Variants in MYO1E observed in about 807,000 individuals in gnomAD.
The protein encoded by MYO1E is unconventional myosin-Ie.
In MYO1E, 68 loss-of-function variants were observed where a neutral mutation model predicts 151.1. The observed-to-expected ratio is 0.45, with a 90% CI of 0.37 to 0.55. The LOEUF (loss-of-function observed/expected upper bound fraction) is 0.55. Ranked by LOEUF, MYO1E falls within the 20% of genes least tolerant of loss-of-function variation. The probability of loss-of-function intolerance (pLI) is 0.00; values close to 1 mark genes in which losing one functional copy is unlikely to be tolerated. For synonymous variants in MYO1E, 601 were observed against 501.7 expected (o/e 1.20, Z -2.64); for missense variants, 1,363 against 1,389.3 (o/e 0.98, Z 0.30).
intron 2 of MYO1E, among the ~76,000 whole-genome samples, chr15:59,262,451 T>TA (rs747798400): frequency 6.6e-6 from 1 of 151,608 alleles, no homozygotes; most frequent in Non-Finnish European, 1.5e-5. Context: ...ACTCCATCTC[T>TA]AAAAAAACAA....
intron 12 of MYO1E, among the ~76,000 whole-genome samples, chr15:59,213,708 G>C (rs1019744469): frequency 6.6e-6 from 1 of 151,758 alleles, no homozygotes; most frequent in African/African-American, 2.4e-5. Context: ...CAATTCTCCC[G>C]ACTCGGCCTC....
At chr15:59,148,028 GAAT>G in intron 26 of MYO1E, among the ~76,000 whole-genome samples, 1 of 152,152 alleles carries the variant, frequency 6.6e-6, no homozygotes, top group East Asian at 1.9e-4. Flanking sequence ...ACCAGCCAAT[GAAT>G]AATGGTAATG....
chr15:59,327,543 G>T (rs1388175058), intron 1 of MYO1E, among the ~76,000 whole-genome samples: 1 of 151,932 alleles, frequency 6.6e-6, no homozygotes, highest in Non-Finnish European at 1.5e-5. Flanking sequence ...TCAAACTCCT[G>T]GCCTTAAGCA....
At chr15:59,356,453 G>A (rs1305608861) in intron 1 of MYO1E, among the ~76,000 whole-genome samples, 1 of 152,188 alleles carries the variant, frequency 6.6e-6, no homozygotes, top group African/African-American at 2.4e-5. Context: ...GTTTTTTGGA[G>A]TAGATTTTAA....
At chr15:59,300,281 G>A (rs775058313) in intron 1 of MYO1E, among the ~76,000 whole-genome samples, 3 of 150,208 alleles carry the variant, frequency 2.0e-5, no homozygotes, top group Non-Finnish European at 4.4e-5. Flanking sequence ...CCATGGCTCT[G>A]CCTGCCCAGC....
intron 4 of MYO1E, among the ~76,000 whole-genome samples, chr15:59,241,950 C>A (rs992164743): frequency 6.3e-5 from 9 of 143,670 alleles, no homozygotes; most frequent in Admixed American, 6.0e-4. Context: ...ATAAAATAAA[C>A]AAGTAAATAA....
chr15:59,226,638 C>T (rs1181291867), intron 7 of MYO1E, among the ~76,000 whole-genome samples: 1 of 152,064 alleles, frequency 6.6e-6, no homozygotes, highest in Admixed American at 6.6e-5. Context: ...GAAACCCCAC[C>T]TCTACGAAAA....
At chr15:59,223,984 C>G (rs1238484979) in intron 8 of MYO1E, among the ~76,000 whole-genome samples, 5 of 152,176 alleles carry the variant, frequency 3.3e-5, no homozygotes, top group Non-Finnish European at 7.3e-5. Context: ...GTACTGAACC[C>G]ACGCTGCTCA....
At chr15:59,170,102 A>G (rs772185218) in intron 22 of MYO1E, among the ~76,000 whole-genome samples, 11 of 152,200 alleles carry the variant, frequency 7.2e-5, no homozygotes, top group Non-Finnish European at 1.0e-4. Context: ...CAGAAGTTGC[A>G]GTGAGCTGAG....
At chr15:59,287,992 C>T (rs1265386120) in intron 1 of MYO1E, among the ~76,000 whole-genome samples, 1 of 152,210 alleles carries the variant, frequency 6.6e-6, no homozygotes, top group African/African-American at 2.4e-5. Flanking sequence ...GCAGCGAAGG[C>T]GCTCAGCGAG....
intron 1 of MYO1E, among the ~76,000 whole-genome samples, chr15:59,368,054 G>T (rs149377743): frequency 0.014 from 2,168 of 152,222 alleles, 55 homozygotes; most frequent in African/African-American, 0.048. Flanking sequence ...GGGAGGCAGA[G>T]GTTATAGTGA....
intron 1 of MYO1E, among the ~76,000 whole-genome samples, chr15:59,296,565 AG>A (rs1366991992): frequency 6.6e-6 from 1 of 152,162 alleles, no homozygotes; most frequent in African/African-American, 2.4e-5. Flanking sequence ...CTTGAAACAC[AG>A]TCGGGACGTG....
chr15:59,346,114 C>G (rs770882304), intron 1 of MYO1E, among the ~76,000 whole-genome samples: 4 of 152,144 alleles, frequency 2.6e-5, no homozygotes, highest in Non-Finnish European at 4.4e-5. Flanking sequence ...GGTCTGGCTC[C>G]CACTTCTGAA....
chr15:59,341,701 G>C (rs2080766684), intron 1 of MYO1E, among the ~76,000 whole-genome samples: 1 of 151,990 alleles, frequency 6.6e-6, no homozygotes, highest in African/African-American at 2.4e-5. Context: ...TTTTATTGCT[G>C]ATTAGTACTC....
At chr15:59,339,417 AC>A (rs2080749638) in intron 1 of MYO1E, among the ~76,000 whole-genome samples, 2 of 152,102 alleles carry the variant, frequency 1.3e-5, no homozygotes, top group African/African-American at 2.4e-5. Flanking sequence ...GACGTACAAA[AC>A]CTTTGACCTA....
intron 14 of MYO1E, chr15:59,208,373 T>C (rs1364700674): frequency 8.9e-6 from 5 of 558,692 alleles, no homozygotes; most frequent in South Asian, 2.3e-5. Context: ...TAGGTATTTA[T>C]TGTGTTCTAG....
At chr15:59,234,329 C>A (rs58269735) in intron 5 of MYO1E, among the ~76,000 whole-genome samples, 1 of 152,020 alleles carries the variant, frequency 6.6e-6, no homozygotes, top group Non-Finnish European at 1.5e-5. Context: ...GTTTTAAAGT[C>A]TGTAATTAAA....
chr15:59,153,640 CTG>C lies in MYO1E; in HGVS notation c.3028_3029del (p.Gln1010AspfsTer53). ...QQSTSSDRVS[Q>X]TPESLDFLKV... ...TGAGGAAATCCAGGCTCTCTGGCGT[CTG>C]TGACACTCGGTCTGAACTGGTAGAC... is the stretch of plus-strand genomic sequence containing the variant. On this transcript the variant is annotated frameshift_variant, in exon 26 of 28. Coordinates refer to ENST00000288235, the MANE Select transcript of MYO1E (RefSeq NM_004998.4). LOFTEE classifies it high-confidence loss of function. 1 of 1,614,162 alleles carries C rather than the reference CTG, an allele frequency of 6.2e-7. No individual in the cohort carries two copies. Among genetic ancestry groups the C allele is most frequent in the Non-Finnish European group, 8.5e-7 (1 of 1,180,038 alleles).
intron 26 of MYO1E, among the ~76,000 whole-genome samples, chr15:59,152,482 G>C (rs569416294): frequency 1.4e-3 from 208 of 152,280 alleles, no homozygotes; most frequent in Non-Finnish European, 2.2e-3. Context: ...CCACCATGGA[G>C]AGTCGTGCAG....
Sources: gnomAD v4.1 joint callset for allele counts (sites outside exome capture counted in the v4.1 genomes callset) on GRCh38, gnomAD v4.1.1 for gene constraint, MANE v1.5 for transcripts, NCBI Gene and HGNC (gene_info 2026-07-23, HGNC 2026-07-21) for gene names.